RBM20: variants seen among roughly 807,000 people sequenced by gnomAD.
The protein encoded by RBM20 is RNA binding motif protein 20, also known as RNA-binding protein 20.
Under a neutral mutation model 110.1 loss-of-function variants are expected in RBM20, and 51 were observed. That is an observed-to-expected ratio of 0.46 (90% CI 0.37 to 0.59). The LOEUF (loss-of-function observed/expected upper bound fraction) is 0.59, where lower values mean the gene tolerates loss of function less well. RBM20 is among the 20% of genes least tolerant of loss of function. RBM20 has a pLI of 0.00. For missense variants in RBM20, 1,512 were observed against 1,574.9 expected, an observed-to-expected ratio of 0.96 and a Z score of 0.68; for synonymous variants, 589 against 618.2, an observed-to-expected ratio of 0.95 and a Z score of 0.70.
Position 110,781,250 on chromosome 10 carries a change from T to C in RBM20, c.641T>C (p.Leu214Ser), listed in dbSNP as rs775632807. 4 of 1,551,726 alleles carry C rather than the reference T, an allele frequency of 2.6e-6. No homozygotes were observed. In the South Asian group the frequency reaches 4.8e-5, roughly 18 times the overall value. ...ACCCCTGGCCAGCCAGCAGTCATCT[T>C]GGGCATTGGCAAGACTGGGCCTGCT... ...PQTPGQPAVI[L>S]GIGKTGPAPA... Residue 214 changes from leucine (L) to serine (S), a missense_variant, in exon 2 of 14, where the codon TTG becomes TCG. By Grantham distance (145) the Leu-to-Ser change is moderately radical (BLOSUM62 -2). Around this residue, in one of 3 missense-constraint regions of RBM20, gnomAD observed 1,149 missense variants for 1,169.4 expected, o/e 0.98. Coordinates refer to ENST00000369519, the MANE Select transcript of RBM20 (RefSeq NM_001134363.3).
In RBM20 at chr10:110,812,945, G is replaced by A; in HGVS notation, c.2548G>A (p.Glu850Lys). Reference sequence around the variant, plus strand: ...AAAAGAAAACACAATGGCAGAGAATGAGGTAATGATCAATTTCTTCCCCAG... The same window carrying A: ...AAAAGAAAACACAATGGCAGAGAATAAGGTAATGATCAATTTCTTCCCCAG... ...DRKENTMAENEAGKEEQEGME... is the reference protein window; with the variant it reads ...DRKENTMAENKAGKEEQEGME... Residue 850 changes from glutamate to lysine, a missense_variant and splice_region_variant, in exon 9 of 14, where the codon GAG (glutamate) becomes AAG (lysine). Transcript: ENST00000369519. 2 of 1,448,964 alleles carry A rather than the reference G, an allele frequency of 1.4e-6. No individual in the cohort carries two copies. Among genetic ancestry groups the A allele is most frequent in the Non-Finnish European group, 1.8e-6 (2 of 1,098,656 alleles). 89.8% of individuals were successfully genotyped at this position (1,448,964 alleles called of 1,614,324 possible).
chr10:110,686,279 A>C (rs1333433618), intron 1 of RBM20, among the ~76,000 whole-genome samples: 1 of 152,140 alleles, frequency 6.6e-6, no homozygotes, highest in Non-Finnish European at 1.5e-5. Context: ...ATTTATTTAT[A>C]GTAGCTAGTG....
At chr10:110,822,047 A>T (rs2135123062) in intron 11 of RBM20, 112 bp downstream of exon 11, 1 of 1,067,642 alleles carries the variant, frequency 9.4e-7, no homozygotes, top group Admixed American at 2.1e-5. Context: ...TTCAACTAGC[A>T]TTAAAGTGGG....
chr10:110,696,666 G>A (rs1022585085), intron 1 of RBM20, among the ~76,000 whole-genome samples: 1 of 152,166 alleles, frequency 6.6e-6, no homozygotes, highest in African/African-American at 2.4e-5. Context: ...CCTGGAGGAA[G>A]TACTGCCTGG....
At chr10:110,809,404 C>G (rs1039195978) in intron 7 of RBM20, among the ~76,000 whole-genome samples, 1 of 151,968 alleles carries the variant, frequency 6.6e-6, no homozygotes, top group African/African-American at 2.4e-5. Flanking sequence ...ATTCACTCTG[C>G]TTGCTACATT....
At chr10:110,797,770 C>A in intron 6 of RBM20, 122 bp downstream of exon 6, 1 of 1,042,874 alleles carries the variant, frequency 9.6e-7, no homozygotes, top group Non-Finnish European at 1.4e-6. Context: ...AGCTGGCCTT[C>A]TGTTGGCATG....
intron 1 of RBM20, among the ~76,000 whole-genome samples, chr10:110,733,909 C>A (rs931203354): frequency 2.6e-5 from 4 of 152,242 alleles, no homozygotes; most frequent in Admixed American, 1.3e-4. Flanking sequence ...GTGACTTCAG[C>A]TAACCAGCTT....
chr10:110,678,108 T>G (rs1564812963), intron 1 of RBM20, among the ~76,000 whole-genome samples: 1 of 152,150 alleles, frequency 6.6e-6, no homozygotes, highest in African/African-American at 2.4e-5. Context: ...AAACATAAAC[T>G]GGGATAAATA....
chr10:110,831,443 A>G (rs1845050562), intron 13 of RBM20: 2 of 386,512 alleles, frequency 5.2e-6, no homozygotes, highest in African/African-American at 2.0e-5. Context: ...CATGGTGGCT[A>G]CCTCCTGTGT....
At position 110,812,386 on chromosome 10, in the gene RBM20, C is replaced by T. The variant is rs757770185; in HGVS notation, c.1989C>T (p.Gly663=). The T allele has an allele frequency of 6.4e-7, 1 of 1,551,702 alleles. No homozygotes were observed. The highest frequency in any genetic ancestry group is 1.2e-5 in the South Asian group (1 of 84,070). The part of the protein sequence containing the change: ...TSCSSSHSPP[G]PSRADWGNGR... ...GCAGCTCTTCCCACAGCCCTCCGGG[C>T]CCCTCCCGGGCTGACTGGGGCAATG... is the stretch of plus-strand genomic sequence containing the variant. Residue 663 remains glycine (G), a synonymous_variant, in exon 9 of 14, where the codon GGC becomes GGT. Coordinates refer to ENST00000369519, the MANE Select transcript of RBM20 (RefSeq NM_001134363.3).
At chr10:110,803,849 G>A (rs1447050972) in intron 7 of RBM20, among the ~76,000 whole-genome samples, 1 of 144,078 alleles carries the variant, frequency 6.9e-6, no homozygotes, top group Admixed American at 7.0e-5. Context: ...AGAATTTATG[G>A]ATGCATGTAA....
At chr10:110,794,009 A>C (rs1427308477) in intron 5 of RBM20, among the ~76,000 whole-genome samples, 1 of 152,214 alleles carries the variant, frequency 6.6e-6, no homozygotes, top group Non-Finnish European at 1.5e-5. Flanking sequence ...GCTCAAGAGC[A>C]CTCAGGATTG....
chr10:110,691,374 G>A (rs1046662168), intron 1 of RBM20, among the ~76,000 whole-genome samples: 1 of 152,204 alleles, frequency 6.6e-6, no homozygotes, highest in African/African-American at 2.4e-5. Context: ...CACAGTGGCT[G>A]AACCATTTTA....
At chr10:110,828,236 G>A (rs746033464) in intron 12 of RBM20, among the ~76,000 whole-genome samples, 1 of 152,190 alleles carries the variant, frequency 6.6e-6, no homozygotes, top group East Asian at 1.9e-4. Context: ...GGACTGAGTG[G>A]CTCCAGAACA....
intron 1 of RBM20, among the ~76,000 whole-genome samples, chr10:110,685,392 C>A (rs140433203): frequency 6.6e-6 from 1 of 152,104 alleles, no homozygotes; most frequent in Non-Finnish European, 1.5e-5. Context: ...AGGTCAGACT[C>A]GCAGGGACTT....
Position 110,799,813 on chromosome 10 carries a change from A to AGCT in RBM20, c.1698_1700dup (p.Ala567dup). ...CCTTTTTAGAGATGGCTTACACAGA[A>AGCT]GCTGCACAGGCCATGGTCCAGTATT... On this transcript the variant is annotated inframe_insertion, in exon 7 of 14. Coordinates refer to ENST00000369519, the MANE Select transcript of RBM20 (RefSeq NM_001134363.3). 2 of 1,551,630 alleles carry AGCT rather than the reference A, an allele frequency of 1.3e-6. No individual in the cohort carries two copies. Among genetic ancestry groups the AGCT allele is most frequent in the Non-Finnish European group, 1.7e-6 (2 of 1,146,822 alleles).
At chr10:110,680,544 G>C (rs1474165725) in intron 1 of RBM20, among the ~76,000 whole-genome samples, 1 of 152,204 alleles carries the variant, frequency 6.6e-6, no homozygotes, top group Non-Finnish European at 1.5e-5. Flanking sequence ...CGGGCTGCTG[G>C]GTTGTGTGTT....
chr10:110,802,476 T>A (rs555340653), intron 7 of RBM20, among the ~76,000 whole-genome samples: 1 of 151,446 alleles, frequency 6.6e-6, no homozygotes, highest in Non-Finnish European at 1.5e-5. Flanking sequence ...AAGTTCCTGG[T>A]CTCCTGGATT....
At chr10:110,647,755 A>T (rs1861888779) in intron 1 of RBM20, among the ~76,000 whole-genome samples, 1 of 152,206 alleles carries the variant, frequency 6.6e-6, no homozygotes, top group African/African-American at 2.4e-5. Context: ...TTTAATCGTG[A>T]GCTTTAAAGT....
Sources: gnomAD v4.1 joint callset for allele counts (sites outside exome capture counted in the v4.1 genomes callset) on GRCh38, gnomAD v4.1.1 for gene constraint, gnomAD v4.1.1 regional missense constraint, MANE v1.5 for transcripts, NCBI Gene and HGNC (gene_info 2026-07-23, HGNC 2026-07-21) for gene names.